ZCWPW1: variants seen among roughly 807,000 people sequenced by gnomAD.
The protein encoded by ZCWPW1 is zinc finger CW-type and PWWP domain containing 1, also known as zinc finger CW-type PWWP domain protein 1.
A neutral mutation model predicts 81.3 loss-of-function variants in ZCWPW1; 56 were observed. The ratio of observed to expected loss-of-function variants is 0.69; its 90% CI spans 0.56 to 0.86. The LOEUF (loss-of-function observed/expected upper bound fraction) is 0.86, where lower values mean the gene tolerates loss of function less well. ZCWPW1 is among the 40% of genes least tolerant of loss of function. ZCWPW1 has a pLI of 0.00. For missense variants in ZCWPW1, 650 were observed against 769.8 expected, an observed-to-expected ratio of 0.84 and a Z score of 1.84; for synonymous variants, 250 against 273.7, an observed-to-expected ratio of 0.91 and a Z score of 0.86.
chr7:100,403,867 T>C (rs989895845), intron 14 of ZCWPW1, 82 bp from the exon 15 acceptor site: 1 of 1,364,696 alleles, frequency 7.3e-7, no homozygotes, highest in African/African-American at 1.5e-5. Flanking sequence ...AAAGAATCTG[T>C]CTTCTAACTG....
intron 8 of ZCWPW1, among the ~76,000 whole-genome samples, chr7:100,410,568 C>T (rs1339266876): frequency 6.6e-6 from 1 of 152,154 alleles, no homozygotes; most frequent in Non-Finnish European, 1.5e-5. Flanking sequence ...CTCTCCACCT[C>T]CTGCCTTCAT....
chr7:100,424,234 T>A (rs1796901621), intron 2 of ZCWPW1, among the ~76,000 whole-genome samples: 1 of 151,834 alleles, frequency 6.6e-6, no homozygotes, highest in Non-Finnish European at 1.5e-5. Context: ...AAAAGCAGAG[T>A]GAAAATTAGT....
At chr7:100,424,307 C>G in intron 2 of ZCWPW1, among the ~76,000 whole-genome samples, 1 of 151,904 alleles carries the variant, frequency 6.6e-6, no homozygotes, top group East Asian at 1.9e-4. Flanking sequence ...GCTTGTTAAT[C>G]ATAAATTTTC....
At chr7:100,404,761 T>G (rs1792630331) in intron 13 of ZCWPW1, among the ~76,000 whole-genome samples, 1 of 152,198 alleles carries the variant, frequency 6.6e-6, no homozygotes, top group Non-Finnish European at 1.5e-5. Context: ...TGTTTCTAAT[T>G]CAACAAATAA....
At chr7:100,416,188 C>T in intron 7 of ZCWPW1, 91 bp from the exon 8 acceptor site, 1 of 1,596,434 alleles carries the variant, frequency 6.3e-7, no homozygotes, top group Non-Finnish European at 8.5e-7. Flanking sequence ...AGAAGAATCA[C>T]AGCCTAATAG....
chr7:100,417,691 C>T (rs1314272693), intron 5 of ZCWPW1, among the ~76,000 whole-genome samples: 3 of 151,248 alleles, frequency 2.0e-5, no homozygotes, highest in Non-Finnish European at 4.4e-5. Context: ...GCACTCTAGC[C>T]TGGGCAACAG....
chr7:100,419,710 T>C lies in ZCWPW1; in HGVS notation c.202A>G (p.Thr68Ala), dbSNP rs1387425815. 4.3e-6 allele frequency: 7 copies of C among 1,614,016 alleles called. No homozygotes were observed. The highest frequency in any genetic ancestry group is 1.7e-6 in the Non-Finnish European group (2 of 1,180,046). ...TCCCTGCTTGGAACATTCTTCATGG[T>C]TGCTTTTTCCTCTTTCTTCTTTAAA... The part of the protein sequence containing the change: ...ASLKKKEEKA[T>A]MKNVPSREQE... Residue 68 changes from threonine (T) to alanine (A), a missense_variant, in exon 4 of 18, where the codon ACC becomes GCC. Physicochemically the swap from Thr to Ala is moderately conservative, Grantham distance 58 (BLOSUM62 0). Transcript: ENST00000684423.
chr7:100,421,056 G>T (rs984216646), intron 2 of ZCWPW1, among the ~76,000 whole-genome samples: 1 of 152,324 alleles, frequency 6.6e-6, no homozygotes, highest in Admixed American at 6.5e-5. Context: ...AGGCTGAGGT[G>T]AGAGGATCAC....
Position 100,409,465 on chromosome 7 carries a change from T to C in ZCWPW1, c.834A>G (p.Ser278=), listed in dbSNP as rs375328914. 1.9e-6 allele frequency: 3 copies of C among 1,614,152 alleles called. No individual in the cohort carries two copies. The highest frequency in any genetic ancestry group is 2.5e-6 in the Non-Finnish European group (3 of 1,179,994). Residue 278 remains serine (S), a synonymous_variant, in exon 9 of 18, where the codon TCA becomes TCG. Coordinates refer to ENST00000684423, the MANE Select transcript of ZCWPW1 (RefSeq NM_001386010.1). ...WRRLCGNIDP[S]VLPDNWSCDQ... is the part of the protein sequence containing the mutation. ...CACAGGACCAATTATCTGGGAGAACTGAGGGGTCAATGTTCCCACACAGCC... is the reference window on the plus strand; with the variant it reads ...CACAGGACCAATTATCTGGGAGAACCGAGGGGTCAATGTTCCCACACAGCC...
intron 2 of ZCWPW1, among the ~76,000 whole-genome samples, chr7:100,423,410 T>A (rs1796692225): frequency 6.6e-6 from 1 of 152,144 alleles, no homozygotes; most frequent in South Asian, 2.1e-4. Flanking sequence ...GATCAGAAAA[T>A]TTTAAGACCT....
intron 7 of ZCWPW1, 101 bp from the exon 8 acceptor site, chr7:100,416,198 G>T: frequency 1.3e-6 from 2 of 1,591,142 alleles, no homozygotes; most frequent in African/African-American, 2.7e-5. Flanking sequence ...CAGCCTAATA[G>T]TCTCAAGTCT....
intron 8 of ZCWPW1, among the ~76,000 whole-genome samples, chr7:100,410,058 A>T (rs1426892240): frequency 6.6e-6 from 1 of 152,074 alleles, no homozygotes; most frequent in Non-Finnish European, 1.5e-5. Flanking sequence ...GTCTGAGTTC[A>T]CTCTTCTCCA....
intron 12 of ZCWPW1, 142 bp from the exon 13 acceptor site, chr7:100,405,235 C>A: frequency 1.5e-6 from 1 of 658,066 alleles, no homozygotes; most frequent in Non-Finnish European, 2.6e-6. Flanking sequence ...CAACACCAGC[C>A]TGGCCAAGAT....
chr7:100,401,385 C>T (rs1456323086), intron 17 of ZCWPW1, 49 bp from the exon 18 acceptor site: 2 of 1,460,828 alleles, frequency 1.4e-6, no homozygotes, highest in Non-Finnish European at 1.8e-6. Flanking sequence ...TCAGCCTGTC[C>T]TTACCTTTTA....
Position 100,428,626 on chromosome 7 carries a change from C to T in ZCWPW1, c.-195G>A, listed in dbSNP as rs1209973659. On this transcript the variant is annotated 5_prime_UTR_variant, in exon 1 of 18. The change creates a premature stop within an existing upstream ORF in the 5' untranslated region. Coordinates refer to ENST00000684423, the MANE Select transcript of ZCWPW1 (RefSeq NM_001386010.1). ...TCACCCCTGCCGCCCTGTCCTCGGC[C>T]CAGCACTCCGCTGGCAGGGAGACCG... 1 of 152,442 alleles carries T rather than the reference C, an allele frequency of 6.6e-6. No individual in the cohort carries two copies. Among genetic ancestry groups the T allele is most frequent in the Non-Finnish European group, 1.5e-5 (1 of 68,192 alleles). The allele number at this position is 152,442 out of a possible 1,614,324, so 9.4% of individuals were successfully genotyped here.
At chr7:100,407,603 G>A (rs1253639343) in intron 10 of ZCWPW1, among the ~76,000 whole-genome samples, 1 of 152,086 alleles carries the variant, frequency 6.6e-6, no homozygotes, top group Non-Finnish European at 1.5e-5. Flanking sequence ...ATATAGCCAG[G>A]ACTGATCTCA....
chr7:100,421,451 C>T (rs942726710), intron 2 of ZCWPW1, among the ~76,000 whole-genome samples: 3 of 152,184 alleles, frequency 2.0e-5, no homozygotes, highest in African/African-American at 7.2e-5. Flanking sequence ...CTTTTAACAT[C>T]ATTATAATGT....
intron 12 of ZCWPW1, 68 bp from the exon 13 acceptor site, chr7:100,405,161 G>A: frequency 6.8e-7 from 1 of 1,477,920 alleles, no homozygotes; most frequent in Non-Finnish European, 9.3e-7. Context: ...CAGGTGCGGT[G>A]GCTCACACCT....
intron 11 of ZCWPW1, 28 bp downstream of exon 11, chr7:100,407,200 C>A (rs1793200787): frequency 2.5e-6 from 4 of 1,609,208 alleles, no homozygotes; most frequent in Non-Finnish European, 3.4e-6. Flanking sequence ...GGCCTGAGCT[C>A]CTTCTTACCC....
Sources: gnomAD v4.1 joint callset for allele counts (sites outside exome capture counted in the v4.1 genomes callset) on GRCh38, gnomAD v4.1.1 for gene constraint, MANE v1.5 for transcripts, NCBI Gene and HGNC (gene_info 2026-07-23, HGNC 2026-07-21) for gene names.